TMBIM6: variants seen among roughly 807,000 people sequenced by gnomAD.
TMBIM6 encodes the protein transmembrane BAX inhibitor motif containing 6.
In TMBIM6, 13 loss-of-function variants were observed where a neutral mutation model predicts 31.4. That is an observed-to-expected ratio of 0.41 (90% CI 0.27 to 0.66). The LOEUF (loss-of-function observed/expected upper bound fraction) is 0.66. Ranked by LOEUF, TMBIM6 falls within the 30% of genes least tolerant of loss-of-function variation. The pLI is 0.28. For missense variants in TMBIM6, 275 were observed against 289.5 expected, an observed-to-expected ratio of 0.95 and a Z score of 0.36; for synonymous variants, 85 against 101.7, an observed-to-expected ratio of 0.84 and a Z score of 0.99.
intron 7 of TMBIM6, 170 bp downstream of exon 7, chr12:49,758,932 A>C: frequency 1.5e-6 from 1 of 680,082 alleles, no homozygotes; most frequent in Admixed American, 2.9e-5. Flanking sequence ...CAGGCTGCAC[A>C]AGGTTGGGCA....
At chr12:49,751,391 A>G (rs1404728462) in intron 1 of TMBIM6, among the ~76,000 whole-genome samples, 1 of 152,150 alleles carries the variant, frequency 6.6e-6, no homozygotes, top group Non-Finnish European at 1.5e-5. Context: ...ATATATTGCT[A>G]TATAGAAAGA....
chr12:49,749,580 G>A (rs78616783), intron 1 of TMBIM6: 14,587 of 151,992 alleles, frequency 0.096, 922 homozygotes, highest in African/African-American at 0.18. Context: ...CTACAGGGGC[G>A]TGCCTCTATG....
At chr12:49,747,495 G>A (rs1945417358) in intron 1 of TMBIM6, among the ~76,000 whole-genome samples, 1 of 151,900 alleles carries the variant, frequency 6.6e-6, no homozygotes, top group African/African-American at 2.4e-5. Flanking sequence ...TGTTTGCAGA[G>A]ATGAGGTTTT....
At chr12:49,749,318 GTCA>G (rs1945451689) in intron 1 of TMBIM6, among the ~76,000 whole-genome samples, 1 of 152,090 alleles carries the variant, frequency 6.6e-6, no homozygotes, top group Non-Finnish European at 1.5e-5. Context: ...TGTACATTGT[GTCA>G]TATACATTAA....
At chr12:49,762,066 G>C (rs1310254346) in intron 9 of TMBIM6, 1 of 361,346 alleles carries the variant, frequency 2.8e-6, no homozygotes, top group Non-Finnish European at 5.0e-6. Flanking sequence ...CTATATAGTT[G>C]TGACTCAGAG....
chr12:49,741,567 C>G lies in TMBIM6; in HGVS notation c.-75C>G, dbSNP rs190201743. 4.5e-5 allele frequency: 7 copies of G among 156,590 alleles called. No individual in the cohort carries two copies. The highest frequency in any genetic ancestry group is 1.4e-4 in the African/African-American group (6 of 41,576). 9.7% of individuals were successfully genotyped at this position (156,590 alleles called of 1,614,324 possible). ...GGAAGTGGGCGAGTCAGAGCACATC[C>G]GGTGTTAGAAGCGCTGGTAGGCCTT... On this transcript the variant is annotated 5_prime_UTR_variant, in exon 1 of 10. Coordinates refer to ENST00000267115, the MANE Select transcript of TMBIM6 (RefSeq NM_003217.3).
intron 1 of TMBIM6, among the ~76,000 whole-genome samples, chr12:49,746,507 CT>C (rs1272119966): frequency 6.6e-6 from 1 of 152,076 alleles, no homozygotes; most frequent in Non-Finnish European, 1.5e-5. Context: ...ATTTTAAGAA[CT>C]TTATTTGTAT....
intron 3 of TMBIM6, among the ~76,000 whole-genome samples, chr12:49,753,777 A>G (rs1277252959): frequency 2.0e-5 from 3 of 152,212 alleles, no homozygotes; most frequent in African/African-American, 7.2e-5. Context: ...CACTCAAAGG[A>G]TAGGGCTTTG....
At chr12:49,760,495 G>C (rs1945695471) in intron 8 of TMBIM6, among the ~76,000 whole-genome samples, 1 of 148,124 alleles carries the variant, frequency 6.8e-6, no homozygotes, top group African/African-American at 2.5e-5. Flanking sequence ...GTTTCCCAAA[G>C]TGTTGGGATT....
At chr12:49,761,136 C>CA (rs923169872) in intron 8 of TMBIM6, among the ~76,000 whole-genome samples, 1 of 150,734 alleles carries the variant, frequency 6.6e-6, no homozygotes, top group Non-Finnish European at 1.5e-5. Flanking sequence ...GTGCTCGGCA[C>CA]TTTTTTTTTA....
intron 8 of TMBIM6, among the ~76,000 whole-genome samples, chr12:49,759,962 A>G (rs1227884985): frequency 3.3e-5 from 5 of 151,614 alleles, no homozygotes; most frequent in Admixed American, 1.3e-4. Flanking sequence ...AATACAAAAA[A>G]TTAGTCGGGC....
intron 1 of TMBIM6, among the ~76,000 whole-genome samples, chr12:49,743,886 GT>G (rs1481025783): frequency 6.7e-6 from 1 of 149,764 alleles, no homozygotes; most frequent in Non-Finnish European, 1.5e-5. Context: ...ACTAATGTTT[GT>G]TTTAGTACTT....
At position 49,764,727 on chromosome 12, in the gene TMBIM6, G is replaced by GAAAAAT. The variant is rs1565576896; in HGVS notation, c.*1836_*1837insTAAAAA. 1.8e-5 allele frequency: 2 copies of GAAAAAT among 113,806 alleles called. No homozygotes were observed. The highest frequency in any genetic ancestry group is 8.7e-5 in the Admixed American group (1 of 11,468). The allele number at this position is 113,806 out of a possible 1,614,324, so 7.0% of individuals were successfully genotyped here. A position where few individuals can be genotyped will look rare whatever the true frequency, so the allele number is the denominator to read the frequency against. On this transcript the variant is annotated 3_prime_UTR_variant, in exon 10 of 10. Coordinates refer to ENST00000267115, the MANE Select transcript of TMBIM6 (RefSeq NM_003217.3). ...CAAGATATTAAAAAAAAAAAAGAAA[G>GAAAAAT]AAAAAAAAAAAAACACCTACTTTTA...
intron 1 of TMBIM6, among the ~76,000 whole-genome samples, chr12:49,748,699 G>A (rs566913933): frequency 6.6e-6 from 1 of 152,286 alleles, no homozygotes; most frequent in African/African-American, 2.4e-5. Context: ...CGCAGTATAG[G>A]CAGATTTTCC....
At chr12:49,757,532 A>G (rs1945627529) in intron 4 of TMBIM6, among the ~76,000 whole-genome samples, 1 of 152,224 alleles carries the variant, frequency 6.6e-6, no homozygotes, top group Non-Finnish European at 1.5e-5. Flanking sequence ...AGGAAACAAG[A>G]CTCAAGCTAT....
intron 4 of TMBIM6, among the ~76,000 whole-genome samples, chr12:49,757,905 A>G (rs1212962637): frequency 1.3e-5 from 2 of 152,200 alleles, no homozygotes; most frequent in South Asian, 4.1e-4. Context: ...TCTGGCCTAT[A>G]TTACCATCTT....
At chr12:49,761,448 A>G (rs1592734157) in intron 8 of TMBIM6, among the ~76,000 whole-genome samples, 1 of 151,400 alleles carries the variant, frequency 6.6e-6, no homozygotes, top group Non-Finnish European at 1.5e-5. Context: ...CAAGCAGTCC[A>G]CCTGCCTCAG....
intron 5 of TMBIM6, 46 bp from the exon 6 acceptor site, chr12:49,758,337 A>G: frequency 1.2e-6 from 2 of 1,613,852 alleles, no homozygotes; most frequent in South Asian, 1.1e-5. Context: ...CTAAATGTAG[A>G]CCGTATACCT....
intron 7 of TMBIM6, chr12:49,758,988 A>G: frequency 4.8e-6 from 3 of 625,798 alleles, no homozygotes. Context: ...GTGTAAGGCC[A>G]GTCTGGCAGT....
Sources: allele counts gnomAD v4.1 joint callset (sites outside exome capture counted in the v4.1 genomes callset), GRCh38; gene constraint gnomAD v4.1.1; transcripts MANE v1.5; gene names NCBI Gene and HGNC (gene_info 2026-07-23, HGNC 2026-07-21).